The following RNF175 variants were observed in gnomAD, a reference collection of about 807,000 sequenced individuals.
The protein encoded by RNF175 is ring finger protein 175.
A neutral mutation model predicts 50.0 loss-of-function variants in RNF175; 38 were observed. The observed-to-expected ratio is 0.76, with a 90% CI of 0.59 to 1.00. The LOEUF (loss-of-function observed/expected upper bound fraction) is 1.00. RNF175 is among the 50% of genes least tolerant of loss of function. The pLI is 0.00. For synonymous variants in RNF175, 155 were observed against 146.1 expected (o/e 1.06, Z -0.44); for missense variants, 388 against 409.6 (o/e 0.95, Z 0.46).
At chr4:153,717,733 T>C (rs1187638269) in intron 6 of RNF175, among the ~76,000 whole-genome samples, 2 of 152,216 alleles carry the variant, frequency 1.3e-5, no homozygotes, top group African/African-American at 4.8e-5. Context: ...TTTAGTCTTA[T>C]GATCTCCATT....
At position 153,723,424 on chromosome 4, in the gene RNF175, G is replaced by A; in HGVS notation, c.436C>T (p.Leu146Phe). Reference protein sequence around the residue: ...VYKWFLLIYKLSYAFGVVGYL... With the variant: ...VYKWFLLIYKFSYAFGVVGYL... Reference sequence around the variant, plus strand: ...CCCACAACACCAAATGCATAGCTGAGTTTGTAGATCAAAAGAAACCATTTG... The same window carrying A: ...CCCACAACACCAAATGCATAGCTGAATTTGTAGATCAAAAGAAACCATTTG... Residue 146 changes from leucine to phenylalanine, a missense_variant, in exon 5 of 9, where the codon CTC (leucine) becomes TTC (phenylalanine). By Grantham distance (22) the Leu-to-Phe change is conservative (BLOSUM62 0). Coordinates refer to ENST00000347063, the MANE Select transcript of RNF175 (RefSeq NM_173662.4). 1.2e-6 allele frequency: 2 copies of A among 1,604,908 alleles called. No homozygotes were observed. The highest frequency in any genetic ancestry group is 1.7e-6 in the Non-Finnish European group (2 of 1,172,270).
intron 3 of RNF175, chr4:153,729,560 G>C: frequency 2.1e-6 from 1 of 482,806 alleles, no homozygotes; most frequent in South Asian, 8.9e-5. Flanking sequence ...GGTGATAATA[G>C]TCTAAGGTCA....
chr4:153,715,555 G>A lies in RNF175; in HGVS notation c.738C>T (p.Asn246=). The A allele has an allele frequency of 6.2e-7, 1 of 1,607,910 alleles. No individual in the cohort carries two copies. Among genetic ancestry groups the A allele is most frequent in the Non-Finnish European group, 8.5e-7 (1 of 1,176,770 alleles). ...VELDEEGLIE[N]TYQLSCNHVF... ...CATGATTACAGGAAAGCTGGTAGGT[G>A]TTTTCAATGAGCCCTTCTTCATCAA... Residue 246 remains asparagine, a synonymous_variant, in exon 7 of 9, where the codon AAC becomes AAT. Transcript: ENST00000347063.
chr4:153,710,336 C>T lies in RNF175; in HGVS notation c.*33G>A. The stretch of plus-strand genomic sequence containing the variant: ...TTAAATGTTGGACCAAGGATTTCAA[C>T]CATGCAGTATGTTGCTTCTGGGGTC... On this transcript the variant is annotated 3_prime_UTR_variant, in exon 9 of 9. Transcript: ENST00000347063. 6.6e-7 allele frequency: 1 copy of T among 1,506,430 alleles called. No individual in the cohort carries two copies. Among genetic ancestry groups the T allele is most frequent in the Non-Finnish European group, 8.9e-7 (1 of 1,118,518 alleles). 93.3% of individuals were successfully genotyped at this position (1,506,430 alleles called of 1,614,324 possible).
intron 2 of RNF175, among the ~76,000 whole-genome samples, 185 bp downstream of exon 2, chr4:153,751,253 C>T (rs961176863): frequency 6.6e-6 from 1 of 152,178 alleles, no homozygotes; most frequent in Non-Finnish European, 1.5e-5. Context: ...TCTTTTTCTA[C>T]AGATCATGCT....
At chr4:153,722,003 G>A (rs376463350) in intron 5 of RNF175, among the ~76,000 whole-genome samples, 14 of 152,322 alleles carry the variant, frequency 9.2e-5, no homozygotes, top group African/African-American at 3.1e-4. Context: ...CATAGGAAAA[G>A]CCCTTTCACC....
Position 153,728,245 on chromosome 4 carries a change from G to A in RNF175, c.363C>T (p.Phe121=). The change falls in exon 4 of 9, where the codon TTC becomes TTT. Residue 121 remains phenylalanine (F), a synonymous_variant. Transcript: ENST00000347063. ...MFSVITSYIL[F]RATRKPLSGR... ...CTGAGAGGGGTTTTCGGGTAGCTCT[G>A]AAGAGGATGTAACTGGTAATAACGG... 1 of 1,613,742 alleles carries A rather than the reference G, an allele frequency of 6.2e-7. No individual in the cohort carries two copies. Among genetic ancestry groups the A allele is most frequent in the Non-Finnish European group, 8.5e-7 (1 of 1,179,692 alleles).
chr4:153,757,749 T>C (rs1384907936), intron 1 of RNF175, among the ~76,000 whole-genome samples: 3 of 151,806 alleles, frequency 2.0e-5, no homozygotes, highest in Admixed American at 6.6e-5. Context: ...CCTAAACCCA[T>C]GGTCTCTGCT....
chr4:153,756,618 C>T (rs1740579825), intron 1 of RNF175, among the ~76,000 whole-genome samples: 1 of 152,142 alleles, frequency 6.6e-6, no homozygotes, highest in Non-Finnish European at 1.5e-5. Context: ...GTCATTCATT[C>T]AGCAAATATG....
At chr4:153,714,149 G>A (rs1160526078) in intron 7 of RNF175, 1 of 152,190 alleles carries the variant, frequency 6.6e-6, no homozygotes, top group Admixed American at 6.5e-5. Flanking sequence ...TTTAAAGGTG[G>A]AGAGAGAAAA....
rs200209706 is a variant in RNF175, at chr4:153,731,685, G to GAGGAAGGAAGGA, written c.247-3336_247-3325dup. Among the ~76,000 whole-genome samples the GAGGAAGGAAGGA allele has an allele frequency of 2.0e-5, 3 of 148,584 alleles. No homozygotes were observed. The East Asian group carries it at 6.0e-4, about 29-fold the overall frequency. ...AAAGAAAGAGAGAGAGGGAGGGAGG[G>GAGGAAGGAAGGA]AGGAAGGAAGGAAGGAAGGAAGGAA... On this transcript the variant is annotated intron_variant, in intron 3 of 8. Coordinates refer to ENST00000347063, the MANE Select transcript of RNF175 (RefSeq NM_173662.4).
At chr4:153,744,853 G>T (rs1333081919) in intron 3 of RNF175, among the ~76,000 whole-genome samples, 1 of 152,212 alleles carries the variant, frequency 6.6e-6, no homozygotes, top group Non-Finnish European at 1.5e-5. Flanking sequence ...ATAAGACAAC[G>T]GTGACATGGC....
At chr4:153,720,379 T>C (rs1361561163) in intron 5 of RNF175, 75 bp from the exon 6 acceptor site, 5 of 1,288,134 alleles carry the variant, frequency 3.9e-6, no homozygotes, top group Non-Finnish European at 5.6e-6. Context: ...AAATATTTCC[T>C]GTTGATGGTA....
chr4:153,739,461 C>T (rs1365535810), intron 3 of RNF175, among the ~76,000 whole-genome samples: 1 of 152,124 alleles, frequency 6.6e-6, no homozygotes, highest in Non-Finnish European at 1.5e-5. Flanking sequence ...TTTATTTTAT[C>T]TCTATTTATT....
At chr4:153,720,386 G>T in intron 5 of RNF175, 82 bp from the exon 6 acceptor site, 9 of 1,163,296 alleles carry the variant, frequency 7.7e-6, no homozygotes, top group South Asian at 2.8e-5. Flanking sequence ...TCCTGTTGAT[G>T]GTATCTAAGA....
At chr4:153,713,758 A>C (rs1737739479) in intron 7 of RNF175, 1 of 152,226 alleles carries the variant, frequency 6.6e-6, no homozygotes, top group Admixed American at 6.5e-5. Flanking sequence ...AATATGCTTT[A>C]AAATAAAGTG....
rs918333313 is a variant in RNF175 at position 153,752,520 on chromosome 4, T to G, written c.67-1045A>C. The stretch of plus-strand genomic sequence containing the variant: ...GTGCAAATATTGCCTAAACTTATAC[T>G]TTTCTATTTCATCCAAAGCCTTGTT... On this transcript the variant is annotated intron_variant, in intron 1 of 8. Coordinates refer to ENST00000347063, the MANE Select transcript of RNF175 (RefSeq NM_173662.4). Among the ~76,000 whole-genome samples the G allele has an allele frequency of 1.4e-4, 21 of 152,302 alleles. No homozygotes were observed. In the East Asian group the frequency reaches 1.7e-3, roughly 13 times the overall value.
At chr4:153,738,793 C>A (rs1241799632) in intron 3 of RNF175, among the ~76,000 whole-genome samples, 1 of 152,212 alleles carries the variant, frequency 6.6e-6, no homozygotes, top group Non-Finnish European at 1.5e-5. Flanking sequence ...TTCCTTGCAT[C>A]TTTCTCCCTC....
At chr4:153,747,460 A>G (rs1405782393) in intron 3 of RNF175, among the ~76,000 whole-genome samples, 1 of 152,224 alleles carries the variant, frequency 6.6e-6, no homozygotes, top group Non-Finnish European at 1.5e-5. Context: ...GCATGGACAC[A>G]GTTAAGCCAA....
Sources: allele counts gnomAD v4.1 joint callset (sites outside exome capture counted in the v4.1 genomes callset), GRCh38; gene constraint gnomAD v4.1.1; transcripts MANE v1.5; gene names NCBI Gene and HGNC (gene_info 2026-07-23, HGNC 2026-07-21).